CSMD1: variants seen among roughly 807,000 people sequenced by gnomAD.
CSMD1 encodes the protein CUB and sushi domain-containing protein 1.
CSMD1 carries 213 observed loss-of-function variants against 417.5 expected under a neutral mutation model. The observed-to-expected ratio is 0.51, with a 90% CI of 0.46 to 0.57. The LOEUF (loss-of-function observed/expected upper bound fraction) is 0.57. CSMD1 is among the 20% of genes least tolerant of loss of function. CSMD1 has a pLI of 0.00. For synonymous variants in CSMD1, 2,862 were observed against 1,736.8 expected (o/e 1.65, Z -16.11); for missense variants, 6,923 against 4,529.7 (o/e 1.53, Z -15.17).
At chr8:4,521,927 C>A (rs185076024) in intron 2 of CSMD1, among the ~76,000 whole-genome samples, 1 of 152,176 alleles carries the variant, frequency 6.6e-6, no homozygotes, top group Admixed American at 6.5e-5. Context: ...AAGATGTGTA[C>A]ATTTTAAGGG....
Position 4,146,725 on chromosome 8 carries a change from C to T in CSMD1, c.416-114626G>A, listed in dbSNP as rs902700552. 3.4e-5 allele frequency among the ~76,000 whole-genome samples: 5 copies of T among 147,628 alleles called. 1 individual carries two copies. Among genetic ancestry groups the T allele is most frequent in the African/African-American group, 1.3e-4 (5 of 38,596 alleles). On this transcript the variant is annotated intron_variant, in intron 3 of 69. Transcript: ENST00000635120. ...CTCCCGAGTTCACGCCATTCTCCTG[C>T]CTCAGCCTCCAGAGGAGCTGGGACT...
intron 3 of CSMD1, among the ~76,000 whole-genome samples, chr8:4,283,756 T>A (rs539762954): frequency 7.9e-4 from 116 of 146,430 alleles, no homozygotes; most frequent in African/African-American, 2.8e-3. Flanking sequence ...TTTATCATAT[T>A]AAAATTCTGG....
intron 5 of CSMD1, among the ~76,000 whole-genome samples, chr8:3,776,995 T>G (rs1433366904): frequency 6.6e-6 from 1 of 151,918 alleles, no homozygotes; most frequent in African/African-American, 2.4e-5. Flanking sequence ...ATTACATGCA[T>G]GACCCCCCAC....
chr8:4,854,441 T>A (rs1585215865), intron 1 of CSMD1, among the ~76,000 whole-genome samples: 2 of 152,338 alleles, frequency 1.3e-5, no homozygotes, highest in Admixed American at 1.3e-4. Context: ...AGCTCCGGTC[T>A]ACAGCTCCCA....
intron 1 of CSMD1, among the ~76,000 whole-genome samples, chr8:4,700,150 C>G (rs1304096361): frequency 6.6e-6 from 1 of 152,004 alleles, no homozygotes; most frequent in Non-Finnish European, 1.5e-5. Flanking sequence ...TTTTAACTGA[C>G]CTTTCAAGAC....
intron 3 of CSMD1, among the ~76,000 whole-genome samples, chr8:4,411,492 T>G (rs1008297197): frequency 2.6e-5 from 4 of 152,226 alleles, no homozygotes; most frequent in African/African-American, 9.6e-5. Flanking sequence ...AGAGATCCAC[T>G]TAACAATATT....
At chr8:4,314,314 C>T (rs1007580337) in intron 3 of CSMD1, among the ~76,000 whole-genome samples, 1 of 152,166 alleles carries the variant, frequency 6.6e-6, no homozygotes, top group Non-Finnish European at 1.5e-5. Context: ...GAAGAAAATA[C>T]ATTCACTAGC....
intron 3 of CSMD1, among the ~76,000 whole-genome samples, chr8:4,214,989 G>C (rs935954767): frequency 1.3e-5 from 2 of 152,104 alleles, no homozygotes; most frequent in African/African-American, 4.8e-5. Context: ...TACTCTGTCA[G>C]GATTACTGAG....
intron 14 of CSMD1, among the ~76,000 whole-genome samples, chr8:3,407,172 T>C (rs1812396522): frequency 1.3e-5 from 1 of 77,882 alleles, no homozygotes; most frequent in Non-Finnish European, 2.7e-5. Context: ...GATGGAAGGA[T>C]GGATAATGGA....
intron 2 of CSMD1, among the ~76,000 whole-genome samples, chr8:4,460,461 TAAC>T (rs1476502169): frequency 6.6e-6 from 1 of 151,998 alleles, no homozygotes. Flanking sequence ...GTAAGCAGAA[TAAC>T]AAATATTCTA....
Position 3,950,447 on chromosome 8 carries a change from C to A in CSMD1, c.818+47456G>T, listed in dbSNP as rs1369207117. Reference sequence around the variant, plus strand: ...AAGAGAGGTTCTTCTGGATCTCCAACGCATGAGTGGTTCAGCTGCTAATGC... The same window carrying A: ...AAGAGAGGTTCTTCTGGATCTCCAAAGCATGAGTGGTTCAGCTGCTAATGC... On this transcript the variant is annotated intron_variant, in intron 5 of 69. Transcript: ENST00000635120. Among the ~76,000 whole-genome samples the A allele has an allele frequency of 2.6e-5, 4 of 152,178 alleles. No homozygotes were observed. The East Asian group carries it at 7.7e-4, about 29-fold the overall frequency.
intron 3 of CSMD1, among the ~76,000 whole-genome samples, chr8:4,145,550 T>C (rs1804060338): frequency 6.6e-6 from 1 of 151,008 alleles, no homozygotes; most frequent in Non-Finnish European, 1.5e-5. Flanking sequence ...TTCTTTATTA[T>C]TACATTGTTA....
chr8:3,287,969 T>A (rs1803280684), intron 25 of CSMD1, among the ~76,000 whole-genome samples: 1 of 146,906 alleles, frequency 6.8e-6, no homozygotes, highest in Non-Finnish European at 1.5e-5. Context: ...TATTTTGAGA[T>A]ACGTCCCATC....
intron 46 of CSMD1, 122 bp from the exon 47 acceptor site, chr8:3,097,159 C>G: frequency 2.9e-6 from 2 of 690,642 alleles, no homozygotes; most frequent in Non-Finnish European, 4.6e-6. Context: ...TGAGCTCTGG[C>G]CAAATTTAAT....
At chr8:4,631,715 A>G (rs1397270507) in intron 2 of CSMD1, among the ~76,000 whole-genome samples, 1 of 152,236 alleles carries the variant, frequency 6.6e-6, no homozygotes, top group Non-Finnish European at 1.5e-5. Flanking sequence ...CTATTTTAAC[A>G]ACACTTATTC....
chr8:4,077,303 A>ATATATATGTG (rs1799878278), intron 3 of CSMD1, among the ~76,000 whole-genome samples: 1 of 81,548 alleles, frequency 1.2e-5, no homozygotes, highest in African/African-American at 3.1e-5. Context: ...ATGTGTATAT[A>ATATATATGTG]TATATATATA....
rs181980598 is a variant in CSMD1, at chr8:3,201,679, C to G, written c.5031G>C (p.Leu1677Phe). ...CATGGGTTCCATCAAATAATTCTGC[C>G]AAATCATTCAGGGCTGTCTGGAAAT... ...FAYFQTALND[L>F]AELFDGTHAQ... The change falls in exon 32 of 70, where the codon TTG (leucine) becomes TTC (phenylalanine). Residue 1677 changes from leucine (L) to phenylalanine (F), a missense_variant. Leu to Phe is a conservative substitution (Grantham distance 22). Transcript: ENST00000635120. The G allele has an allele frequency of 1.3e-4, 201 of 1,605,666 alleles. No homozygotes were observed. The African/African-American group carries it at 2.4e-3, about 20-fold the overall frequency.
In CSMD1 at chr8:4,904,956, T is replaced by A. The variant is rs77882784; in HGVS notation, c.85+89376A>T. ...AGGGCCTCTTTGGGACAAGGGACCA[T>A]GCCGCCGCTTCAACCAACATAGTAC... On this transcript the variant is annotated intron_variant, in intron 1 of 69. Coordinates refer to ENST00000635120, the MANE Select transcript of CSMD1 (RefSeq NM_033225.6). Among the ~76,000 whole-genome samples, 13 of 152,268 alleles carry A rather than the reference T, an allele frequency of 8.5e-5. No homozygotes were observed. In the South Asian group the frequency reaches 2.7e-3, roughly 32 times the overall value.
At chr8:3,554,006 T>C (rs1799031592) in intron 10 of CSMD1, among the ~76,000 whole-genome samples, 1 of 151,724 alleles carries the variant, frequency 6.6e-6, no homozygotes, top group Non-Finnish European at 1.5e-5. Context: ...CTAGGACTGA[T>C]TTTATTTTTC....
Sources: gnomAD v4.1 joint callset for allele counts (sites outside exome capture counted in the v4.1 genomes callset) on GRCh38, gnomAD v4.1.1 for gene constraint, MANE v1.5 for transcripts, NCBI Gene and HGNC (gene_info 2026-07-23, HGNC 2026-07-21) for gene names.